CLASP1: variants seen among roughly 807,000 people sequenced by gnomAD.
The protein encoded by CLASP1 is cytoplasmic linker associated protein 1.
Under a neutral mutation model 192.3 loss-of-function variants are expected in CLASP1, and 38 were observed. That is an observed-to-expected ratio of 0.20 (90% CI 0.15 to 0.26). The LOEUF is 0.26. Among genes scored for constraint, CLASP1 ranks in the 10% least tolerant of loss-of-function variants. The probability of loss-of-function intolerance (pLI) is 1.00; values close to 1 mark genes in which losing one functional copy is unlikely to be tolerated. For synonymous variants in CLASP1, 691 were observed against 712.8 expected, an observed-to-expected ratio of 0.97 and a Z score of 0.49; for missense variants, 1,433 against 1,932.5, an observed-to-expected ratio of 0.74 and a Z score of 4.85.
At chr2:121,481,906 G>A (rs1034955955) in intron 8 of CLASP1, among the ~76,000 whole-genome samples, 3 of 152,192 alleles carry the variant, frequency 2.0e-5, no homozygotes, top group African/African-American at 2.4e-5. Flanking sequence ...GCAGTCCAAC[G>A]TGGGAACACA....
chr2:121,340,192 G>C (rs549984127), exon 40 of CLASP1: 3 of 152,140 alleles, frequency 2.0e-5, no homozygotes, highest in South Asian at 2.1e-4. Context: ...CGGTGGAGTC[G>C]ATTAGGGAGA....
chr2:121,386,651 C>G (rs1265853498), intron 32 of CLASP1, among the ~76,000 whole-genome samples: 1 of 152,204 alleles, frequency 6.6e-6, no homozygotes, highest in Non-Finnish European at 1.5e-5. Flanking sequence ...AAATCACAGT[C>G]CTTCAGAGCA....
At chr2:121,579,085 A>G (rs1047460352) in intron 2 of CLASP1, among the ~76,000 whole-genome samples, 32 of 152,208 alleles carry the variant, frequency 2.1e-4, no homozygotes, top group African/African-American at 7.7e-4. Flanking sequence ...AGTATTATCC[A>G]TGTCCTTAGA....
At chr2:121,615,751 T>C (rs1461466293) in intron 1 of CLASP1, among the ~76,000 whole-genome samples, 2 of 151,964 alleles carry the variant, frequency 1.3e-5, no homozygotes, top group Non-Finnish European at 2.9e-5. Context: ...GCCACTGCAC[T>C]CCAGCCTGGG....
At chr2:121,393,598 T>C (rs2074750238) in intron 30 of CLASP1, among the ~76,000 whole-genome samples, 1 of 152,168 alleles carries the variant, frequency 6.6e-6, no homozygotes, top group Admixed American at 6.5e-5. Context: ...TTCAAGAACG[T>C]CTCATATTCT....
At chr2:121,582,845 C>A (rs1351946538) in intron 2 of CLASP1, among the ~76,000 whole-genome samples, 1 of 150,854 alleles carries the variant, frequency 6.6e-6, no homozygotes, top group South Asian at 2.1e-4. Context: ...AGTACAGTGG[C>A]GCGATCTCAG....
At chr2:121,425,939 T>G (rs2080292840) in intron 21 of CLASP1, among the ~76,000 whole-genome samples, 2 of 151,744 alleles carry the variant, frequency 1.3e-5, no homozygotes, top group Non-Finnish European at 2.9e-5. Flanking sequence ...AGCCCAGGAG[T>G]TTGAGACTAG....
At chr2:121,549,385 T>G (rs753073348) in intron 2 of CLASP1, among the ~76,000 whole-genome samples, 10 of 152,230 alleles carry the variant, frequency 6.6e-5, no homozygotes, top group Non-Finnish European at 1.3e-4. Context: ...CAAGACGACC[T>G]AACTATCCTA....
chr2:121,446,067 A>G (rs949635479), intron 19 of CLASP1, among the ~76,000 whole-genome samples: 1 of 152,234 alleles, frequency 6.6e-6, no homozygotes, highest in African/African-American at 2.4e-5. Context: ...TAATGCTGCA[A>G]TAGTTAAAAA....
At chr2:121,634,922 C>CT (rs1182054121) in intron 1 of CLASP1, among the ~76,000 whole-genome samples, 1 of 152,158 alleles carries the variant, frequency 6.6e-6, no homozygotes, top group African/African-American at 2.4e-5. Context: ...CAGATACATA[C>CT]CAGCCCAACT....
At chr2:121,386,631 C>A (rs2073251018) in intron 32 of CLASP1, among the ~76,000 whole-genome samples, 1 of 152,208 alleles carries the variant, frequency 6.6e-6, no homozygotes, top group Non-Finnish European at 1.5e-5. Context: ...AATTTTAGTT[C>A]CCAGATTCTA....
At chr2:121,603,288 G>C (rs1335101961) in intron 2 of CLASP1, 3 of 151,706 alleles carry the variant, frequency 2.0e-5, no homozygotes, top group African/African-American at 7.3e-5. Flanking sequence ...TTTCTCAAAG[G>C]AAGACATACC....
chr2:121,491,637 T>C (rs982284884), intron 8 of CLASP1, among the ~76,000 whole-genome samples: 1 of 152,256 alleles, frequency 6.6e-6, no homozygotes, highest in Non-Finnish European at 1.5e-5. Context: ...TTGCTAATTA[T>C]ATGGAGATGA....
chr2:121,579,995 T>C (rs1046823702), intron 2 of CLASP1, among the ~76,000 whole-genome samples: 2 of 152,220 alleles, frequency 1.3e-5, no homozygotes, highest in Non-Finnish European at 2.9e-5. Context: ...AGAGATTTTC[T>C]ACAGATTTTT....
intron 1 of CLASP1, among the ~76,000 whole-genome samples, chr2:121,645,309 C>T (rs534278670): frequency 6.6e-6 from 1 of 152,252 alleles, no homozygotes; most frequent in East Asian, 1.9e-4. Context: ...TAACTAAGGT[C>T]AATACGTGAA....
chr2:121,373,889 CAG>C (rs1391034645), intron 34 of CLASP1, among the ~76,000 whole-genome samples: 1 of 152,190 alleles, frequency 6.6e-6, no homozygotes, highest in Non-Finnish European at 1.5e-5. Flanking sequence ...AAAAAGGAAG[CAG>C]AGTGTAAAAG....
intron 2 of CLASP1, among the ~76,000 whole-genome samples, chr2:121,602,153 C>T (rs1338410227): frequency 6.9e-6 from 1 of 144,040 alleles, no homozygotes; most frequent in Non-Finnish European, 1.5e-5. Context: ...CCAGCCTGGG[C>T]AAAAGAGCAA....
At chr2:121,403,513 A>G in intron 26 of CLASP1, 1 of 456,712 alleles carries the variant, frequency 2.2e-6, no homozygotes, top group Non-Finnish European at 4.4e-6. Flanking sequence ...GGAGGAGCCC[A>G]TCTTTACTAG....
chr2:121,631,941 G>C (rs186038110), intron 1 of CLASP1, among the ~76,000 whole-genome samples: 2 of 152,154 alleles, frequency 1.3e-5, no homozygotes, highest in Admixed American at 6.5e-5. Flanking sequence ...CAGCTACTCG[G>C]GAGGCTGAGG....
Sources: allele counts gnomAD v4.1 joint callset (sites outside exome capture counted in the v4.1 genomes callset), GRCh38; gene constraint gnomAD v4.1.1; transcripts MANE v1.5; gene names NCBI Gene and HGNC (gene_info 2026-07-23, HGNC 2026-07-21).